CSGALNACT1: variants seen among roughly 807,000 people sequenced by gnomAD.
The protein encoded by CSGALNACT1 is chondroitin sulfate N-acetylgalactosaminyltransferase 1.
CSGALNACT1 carries 52 observed loss-of-function variants against 51.0 expected under a neutral mutation model. That is an observed-to-expected ratio of 1.02 (90% CI 0.82 to 1.29). The LOEUF is 1.29. Among genes scored for constraint, CSGALNACT1 ranks in the 50% most tolerant of loss-of-function variants. The probability of loss-of-function intolerance (pLI) is 0.00; values close to 1 mark genes in which losing one functional copy is unlikely to be tolerated. For missense variants in CSGALNACT1, 935 were observed against 679.2 expected (o/e 1.38, Z -4.19); for synonymous variants, 341 against 254.4 (o/e 1.34, Z -3.24).
rs773936065 is a variant in CSGALNACT1 at position 19,506,011 on chromosome 8, C to CT, written c.-178dup. The stretch of plus-strand genomic sequence containing the variant: ...TGGAGTTAACCACCACACAGAGCAG[C>CT]TTCTCTACTTTTAAAGGATGATCTT... On this transcript the variant is annotated 5_prime_UTR_variant, in exon 4 of 10. An upstream open reading frame in the 5' UTR gains an earlier in-frame stop. Coordinates refer to ENST00000454498, the Ensembl canonical transcript of CSGALNACT1. The CT allele has an allele frequency of 9.5e-6, 7 of 733,144 alleles. No homozygotes were observed. Among genetic ancestry groups the CT allele is most frequent in the Non-Finnish European group, 1.2e-5 (5 of 415,454 alleles). 45.4% of individuals were successfully genotyped at this position (733,144 alleles called of 1,614,324 possible). A position where few individuals can be genotyped will look rare whatever the true frequency, so the allele number is the denominator to read the frequency against.
At chr8:19,677,466 T>C (rs2060279324) in intron 1 of CSGALNACT1, among the ~76,000 whole-genome samples, 1 of 152,018 alleles carries the variant, frequency 6.6e-6, no homozygotes, top group Admixed American at 6.6e-5. Flanking sequence ...GATGACACAG[T>C]AGAGAAGAAA....
At chr8:19,452,418 G>GA (rs58527794) in intron 5 of CSGALNACT1, among the ~76,000 whole-genome samples, 29,545 of 146,370 alleles carry the variant, frequency 0.2, 3,193 homozygotes, top group African/African-American at 0.28. Flanking sequence ...ACCCCTGGGG[G>GA]AAAAAAAAAA....
In CSGALNACT1 at chr8:19,458,154, T is replaced by C. The variant is rs145320413; in HGVS notation, c.851+272A>G. ...GCCCCTCCGCAAGTCAGAATGAACATAACAGGCATTCAGTCATCTTTGTAG... is the reference window on the plus strand; with the variant it reads ...GCCCCTCCGCAAGTCAGAATGAACACAACAGGCATTCAGTCATCTTTGTAG... On this transcript the variant is annotated intron_variant, in intron 5 of 9. Coordinates refer to ENST00000454498, the Ensembl canonical transcript of CSGALNACT1. Among the ~76,000 whole-genome samples, 4 of 152,324 alleles carry C rather than the reference T, an allele frequency of 2.6e-5. No homozygotes were observed. In the East Asian group the frequency reaches 7.7e-4, roughly 29 times the overall value.
Position 19,637,273 on chromosome 8 carries a change from T to C in CSGALNACT1, c.-543-35408A>G, listed in dbSNP as rs138973253. Among the ~76,000 whole-genome samples, 1,214 of 152,304 alleles carry C rather than the reference T, an allele frequency of 8.0e-3. 11 individuals are homozygous for C. Among genetic ancestry groups the C allele is most frequent in the African/African-American group, 0.025 (1,035 of 41,562 alleles). ...CTTCAAGAGACTTTCCCTTTTCTAG[T>C]TGGTAGGGAATCAAACCACCCCCTT... On this transcript the variant is annotated intron_variant, in intron 1 of 9. Coordinates refer to the CSGALNACT1 transcript ENST00000332246.
chr8:19,462,213 G>A lies in CSGALNACT1; in HGVS notation c.635-3571C>T, dbSNP rs142327463. ...CTGCACAACTGAAACAGGTCTCCCCGTGTGGGTGACTGCATCTCGTTGAGT... is the reference window on the plus strand; with the variant it reads ...CTGCACAACTGAAACAGGTCTCCCCATGTGGGTGACTGCATCTCGTTGAGT... On this transcript the variant is annotated intron_variant, in intron 4 of 9. Transcript: ENST00000454498. 3.4e-3 allele frequency among the ~76,000 whole-genome samples: 518 copies of A among 152,350 alleles called. 2 individuals are homozygous for A. Among genetic ancestry groups the A allele is most frequent in the Non-Finnish European group, 5.9e-3 (401 of 68,036 alleles).
chr8:19,595,375 C>T (rs1433724677), intron 2 of CSGALNACT1, among the ~76,000 whole-genome samples: 1 of 152,146 alleles, frequency 6.6e-6, no homozygotes, highest in Non-Finnish European at 1.5e-5. Context: ...AACCACAAAG[C>T]ACATTTAAAG....
chr8:19,753,356 A>T (rs1040537039), intron 1 of CSGALNACT1, among the ~76,000 whole-genome samples: 28 of 104,308 alleles, frequency 2.7e-4, no homozygotes, highest in African/African-American at 5.6e-4. Flanking sequence ...TTGATTTTTT[A>T]AAAAAAACCA....
chr8:19,414,744 T>C (rs1024423073), intron 8 of CSGALNACT1, among the ~76,000 whole-genome samples: 3 of 152,202 alleles, frequency 2.0e-5, no homozygotes, highest in Admixed American at 6.5e-5. Context: ...CTAGTAAAGA[T>C]TGTCTTTTGT....
At chr8:19,541,153 C>T (rs916793933) in intron 3 of CSGALNACT1, among the ~76,000 whole-genome samples, 4 of 151,766 alleles carry the variant, frequency 2.6e-5, no homozygotes, top group African/African-American at 7.3e-5. Context: ...GATCGCAGCT[C>T]ACTGCAACCT....
intron 4 of CSGALNACT1, among the ~76,000 whole-genome samples, chr8:19,476,200 T>G (rs1386217840): frequency 6.6e-6 from 1 of 152,162 alleles, no homozygotes; most frequent in Non-Finnish European, 1.5e-5. Flanking sequence ...TAGGAATAGA[T>G]AATACATAGC....
At chr8:19,604,485 C>T (rs761462300), upstream of CSGALNACT1, among the ~76,000 whole-genome samples, 4 of 152,174 alleles carry the variant, frequency 2.6e-5, no homozygotes, top group Non-Finnish European at 5.9e-5. Context: ...TAGGCTCATA[C>T]GTGGTGAAGT....
intron 1 of CSGALNACT1, among the ~76,000 whole-genome samples, chr8:19,753,161 G>T (rs539292246): frequency 6.6e-6 from 1 of 152,320 alleles, no homozygotes; most frequent in South Asian, 2.1e-4. Context: ...CCAAACTCTT[G>T]CAGTTCTGGG....
chr8:19,491,358 C>T (rs981526694), intron 4 of CSGALNACT1, among the ~76,000 whole-genome samples: 2 of 152,126 alleles, frequency 1.3e-5, no homozygotes, highest in African/African-American at 4.8e-5. Flanking sequence ...TATTCATGGA[C>T]ATTTCTGAGA....
upstream of CSGALNACT1, among the ~76,000 whole-genome samples, chr8:19,603,243 A>T (rs149299219): frequency 3.3e-3 from 496 of 152,288 alleles, 2 homozygotes; most frequent in African/African-American, 0.011. Context: ...GATGGCCTCC[A>T]AACACCTCTC....
At chr8:19,743,848 AT>A (rs2064470122) in intron 1 of CSGALNACT1, among the ~76,000 whole-genome samples, 2 of 152,268 alleles carry the variant, frequency 1.3e-5, no homozygotes, top group South Asian at 2.1e-4. Context: ...TTCTCCACAC[AT>A]TTTTTAGAGG....
At chr8:19,476,079 C>A (rs568704087) in intron 4 of CSGALNACT1, among the ~76,000 whole-genome samples, 1 of 152,240 alleles carries the variant, frequency 6.6e-6, no homozygotes, top group East Asian at 1.9e-4. Context: ...TTAATGTATC[C>A]TATGACTGAG....
chr8:19,518,475 C>A (rs899029684), intron 3 of CSGALNACT1, among the ~76,000 whole-genome samples: 1 of 152,194 alleles, frequency 6.6e-6, no homozygotes, highest in Non-Finnish European at 1.5e-5. Flanking sequence ...TCCCCACACA[C>A]TATGTAAACA....
chr8:19,730,851 A>G (rs138057403), intron 1 of CSGALNACT1, among the ~76,000 whole-genome samples: 25 of 152,270 alleles, frequency 1.6e-4, no homozygotes, highest in Admixed American at 5.9e-4. Flanking sequence ...CCAGACTCCA[A>G]TGGCCACTGG....
At chr8:19,736,328 A>T (rs973202539) in intron 1 of CSGALNACT1, among the ~76,000 whole-genome samples, 1 of 152,160 alleles carries the variant, frequency 6.6e-6, no homozygotes, top group Non-Finnish European at 1.5e-5. Flanking sequence ...TGTAACTTAC[A>T]CTGAATGGCC....
Sources: allele counts gnomAD v4.1 joint callset (sites outside exome capture counted in the v4.1 genomes callset), GRCh38; gene constraint gnomAD v4.1.1; transcripts MANE v1.5; gene names NCBI Gene and HGNC (gene_info 2026-07-23, HGNC 2026-07-21).